The following TJP1 variants were observed in gnomAD, a reference collection of about 807,000 sequenced individuals.
TJP1 encodes the protein tight junction protein 1.
In TJP1, 43 loss-of-function variants were observed where a neutral mutation model predicts 194.2. The observed-to-expected ratio is 0.22, with a 90% CI of 0.17 to 0.29. The LOEUF (loss-of-function observed/expected upper bound fraction) is 0.29. Among genes scored for constraint, TJP1 ranks in the 10% least tolerant of loss-of-function variants. The pLI is 1.00. For missense variants in TJP1, 1,971 were observed against 2,185.7 expected, an observed-to-expected ratio of 0.90 and a Z score of 1.96; for synonymous variants, 801 against 779.0, an observed-to-expected ratio of 1.03 and a Z score of -0.47.
At chr15:29,770,921 AGT>A (rs2046628330) in intron 4 of TJP1, among the ~76,000 whole-genome samples, 1 of 152,154 alleles carries the variant, frequency 6.6e-6, no homozygotes, top group Non-Finnish European at 1.5e-5. Flanking sequence ...CTAAATGTAC[AGT>A]GTTTACAAAG....
intron 8 of TJP1, among the ~76,000 whole-genome samples, chr15:29,745,542 A>G (rs1304840762): frequency 6.6e-6 from 1 of 152,208 alleles, no homozygotes; most frequent in Non-Finnish European, 1.5e-5. Flanking sequence ...ATATCTGACA[A>G]GATTAAAAAC....
chr15:29,949,105 C>T (rs1443910704), intron 2 of TJP1, among the ~76,000 whole-genome samples: 1 of 150,444 alleles, frequency 6.6e-6, no homozygotes, highest in Middle Eastern at 3.4e-3. Flanking sequence ...CCACCTCCAC[C>T]ACTTCCACCT....
intron 1 of TJP1, chr15:29,968,410 T>C (rs2152330186): frequency 1.0e-6 from 1 of 985,020 alleles, no homozygotes; most frequent in South Asian, 4.7e-5. Context: ...CCGCTCCCCG[T>C]CGCCCTACGC....
chr15:29,825,876 A>G (rs374480262), upstream of TJP1, among the ~76,000 whole-genome samples: 7 of 152,326 alleles, frequency 4.6e-5, no homozygotes, highest in South Asian at 1.4e-3. Flanking sequence ...CTCTGCCAAT[A>G]AAGTCATGTA....
intron 2 of TJP1, among the ~76,000 whole-genome samples, chr15:29,777,220 T>C (rs1177400075): frequency 2.6e-5 from 4 of 152,312 alleles, no homozygotes; most frequent in African/African-American, 9.6e-5. Flanking sequence ...AAATTGTTCT[T>C]TTAATCTACG....
chr15:29,905,126 C>A (rs8026965), intron 2 of TJP1, among the ~76,000 whole-genome samples: 1 of 152,132 alleles, frequency 6.6e-6, no homozygotes, highest in East Asian at 1.9e-4. Context: ...AAACTGACAA[C>A]GTAATTGACA....
intron 1 of TJP1, among the ~76,000 whole-genome samples, chr15:29,965,367 G>C (rs556948898): frequency 1.3e-5 from 2 of 152,126 alleles, no homozygotes; most frequent in South Asian, 4.1e-4. Flanking sequence ...ACACCACCAT[G>C]CCTGGCTAAT....
Position 29,833,878 on chromosome 15 carries a change from TA to T in TJP1, c.307-33177del, listed in dbSNP as rs1238855759. ...GTAAGTATATATATATATATATATATATATTTTTTTTTTTTTTTTTTTTGAG... is the reference window on the plus strand; with the variant it reads ...GTAAGTATATATATATATATATATATTATTTTTTTTTTTTTTTTTTTTGAG... On this transcript the variant is annotated intron_variant, in intron 2 of 28. Coordinates refer to the TJP1 transcript ENST00000356107. Among the ~76,000 whole-genome samples the T allele has an allele frequency of 5.3e-3, 114 of 21,630 alleles. 1 individual carries two copies. The East Asian group carries it at 0.065, about 12-fold the overall frequency. The allele number at this position is 21,630 out of a possible 152,430, so 14.2% of individuals were successfully genotyped here.
chr15:29,746,994 T>C (rs2044833498), intron 8 of TJP1, among the ~76,000 whole-genome samples: 2 of 151,888 alleles, frequency 1.3e-5, no homozygotes, highest in South Asian at 4.1e-4. Flanking sequence ...CGGTTAAATA[T>C]GCAAATGATG....
At chr15:29,933,463 C>CAAG (rs1247076646) in intron 2 of TJP1, among the ~76,000 whole-genome samples, 1 of 152,032 alleles carries the variant, frequency 6.6e-6, no homozygotes, top group East Asian at 1.9e-4. Flanking sequence ...GGAAGAATGT[C>CAAG]AAGAAGAAGA....
At position 29,732,708 on chromosome 15, in the gene TJP1, C is replaced by A; in HGVS notation, c.1844G>T (p.Arg615Leu). 6.2e-7 allele frequency: 1 copy of A among 1,614,080 alleles called. No individual in the cohort carries two copies. Among genetic ancestry groups the A allele is most frequent in the African/African-American group, 1.3e-5 (1 of 75,004 alleles). ...RGLRSSKRNLRKSREDLSAQP... is the reference protein window; with the variant it reads ...RGLRSSKRNLLKSREDLSAQP... Reference sequence around the variant, plus strand: ...AGCGGACAAATCCTCTCTGCTTTTTCGAAGATTTCTCTTGGAGCTGCGAAG... The same window carrying A: ...AGCGGACAAATCCTCTCTGCTTTTTAGAAGATTTCTCTTGGAGCTGCGAAG... The change falls in exon 14 of 28, where the codon CGA becomes CTA. Residue 615 changes from arginine to leucine, a missense_variant. By Grantham distance (102) the Arg-to-Leu change is moderately radical. Around this residue, in one of 5 missense-constraint regions of TJP1, gnomAD observed 402 missense variants for 484.2 expected, o/e 0.83. Coordinates refer to ENST00000614355, the MANE Select transcript of TJP1 (RefSeq NM_001330239.4).
chr15:29,794,849 A>G (rs1351142190), intron 2 of TJP1, among the ~76,000 whole-genome samples: 1 of 152,204 alleles, frequency 6.6e-6, no homozygotes, highest in African/African-American at 2.4e-5. Context: ...AAGGTAAACA[A>G]AAGGATGAAA....
intron 2 of TJP1, among the ~76,000 whole-genome samples, chr15:29,865,453 G>C (rs970104136): frequency 6.6e-6 from 1 of 152,178 alleles, no homozygotes; most frequent in Admixed American, 6.5e-5. Flanking sequence ...AACTTCTCCA[G>C]AGTGATTTTT....
chr15:29,773,405 TTG>T, intron 2 of TJP1, 48 bp from the exon 3 acceptor site: 1 of 1,582,722 alleles, frequency 6.3e-7, no homozygotes, highest in Non-Finnish European at 8.7e-7. Context: ...ACAAAAATAA[TTG>T]TTATATCATA....
At chr15:29,863,051 T>A (rs1253651211) in intron 2 of TJP1, among the ~76,000 whole-genome samples, 3 of 151,264 alleles carry the variant, frequency 2.0e-5, no homozygotes, top group Non-Finnish European at 4.4e-5. Context: ...TCCGAGCACT[T>A]TGGGAGGCCA....
At chr15:29,769,899 CTACTT>C (rs751152028) in intron 4 of TJP1, among the ~76,000 whole-genome samples, 36 of 152,238 alleles carry the variant, frequency 2.4e-4, no homozygotes, top group Non-Finnish European at 3.7e-4. Context: ...TGTACTCCCT[CTACTT>C]ATTTTTTTTT....
exon 2 of TJP1, chr15:29,956,248 T>C: frequency 7.8e-7 from 1 of 1,287,406 alleles, no homozygotes; most frequent in African/African-American, 1.5e-5. Flanking sequence ...CTCACAGAAA[T>C]CCATGCTATC....
rs147902479 is a variant in TJP1, at chr15:29,802,343, G to A, written c.28-1641C>T. Among the ~76,000 whole-genome samples the A allele has an allele frequency of 3.3e-5, 5 of 152,138 alleles. No individual in the cohort carries two copies. In the East Asian group the frequency reaches 9.7e-4, roughly 29 times the overall value. ...CTCCTTTCCCACAGCGACTTTAATTGAAGATTAATGCCATTTTAGAAAGTA... is the reference window on the plus strand; with the variant it reads ...CTCCTTTCCCACAGCGACTTTAATTAAAGATTAATGCCATTTTAGAAAGTA... On this transcript the variant is annotated intron_variant, in intron 1 of 27. Coordinates refer to ENST00000614355, the MANE Select transcript of TJP1 (RefSeq NM_001330239.4).
At chr15:29,784,857 T>C (rs1046837781) in intron 2 of TJP1, among the ~76,000 whole-genome samples, 3 of 152,202 alleles carry the variant, frequency 2.0e-5, no homozygotes, top group Admixed American at 6.5e-5. Flanking sequence ...ATGATCTAGA[T>C]ATGGTAAAAA....
Sources: gnomAD v4.1 joint callset for allele counts (sites outside exome capture counted in the v4.1 genomes callset) on GRCh38, gnomAD v4.1.1 for gene constraint, gnomAD v4.1.1 regional missense constraint, MANE v1.5 for transcripts, NCBI Gene and HGNC (gene_info 2026-07-23, HGNC 2026-07-21) for gene names.